The following CSMD2 variants were observed in gnomAD, a reference collection of about 807,000 sequenced individuals.
CSMD2 encodes the protein CUB and Sushi multiple domains 2, also known as CUB and sushi domain-containing protein 2.
In CSMD2, 130 loss-of-function variants were observed where a neutral mutation model predicts 398.5. The observed-to-expected ratio is 0.33, with a 90% confidence interval of 0.28 to 0.38. CSMD2 has a LOEUF of 0.38. Among genes scored for constraint, CSMD2 ranks in the 10% least tolerant of loss-of-function variants. CSMD2 has a pLI of 1.00. For missense variants in CSMD2, 3,829 were observed against 4,764.9 expected, an observed-to-expected ratio of 0.80 and a Z score of 5.78; for synonymous variants, 1,828 against 1,908.5, an observed-to-expected ratio of 0.96 and a Z score of 1.10.
chr1:34,138,984 T>A (rs1174407779), intron 1 of CSMD2, among the ~76,000 whole-genome samples: 7 of 152,156 alleles, frequency 4.6e-5, no homozygotes, highest in African/African-American at 1.7e-4. Context: ...CCTAACCCCA[T>A]GACCCACTAA....
At chr1:34,020,159 A>C (rs983401902) in intron 3 of CSMD2, among the ~76,000 whole-genome samples, 4 of 152,308 alleles carry the variant, frequency 2.6e-5, no homozygotes, top group African/African-American at 4.8e-5. Context: ...CTCAATAAGA[A>C]GACACATGAG....
chr1:33,649,002 T>C (rs1643611816), intron 28 of CSMD2, among the ~76,000 whole-genome samples: 1 of 152,232 alleles, frequency 6.6e-6, no homozygotes, highest in African/African-American at 2.4e-5. Flanking sequence ...GTCTTGAACT[T>C]GATGGAGTTT....
At chr1:33,964,002 C>T (rs183989157) in intron 3 of CSMD2, among the ~76,000 whole-genome samples, 56 of 152,290 alleles carry the variant, frequency 3.7e-4, no homozygotes, top group African/African-American at 1.2e-3. Flanking sequence ...AGGTGTTTGT[C>T]CAAAGTGGTT....
In CSMD2 at chr1:33,537,072, C is replaced by G; in HGVS notation, c.9829G>C (p.Asp3277His). Residue 3277 changes from aspartate to histidine, a missense_variant, in exon 62 of 71, where the codon GAC becomes CAC. This residue lies in a region of CSMD2 where 917 missense variants were observed against 1,199.5 expected (regional missense o/e 0.76). Coordinates refer to ENST00000373381, the MANE Select transcript of CSMD2 (RefSeq NM_001281956.2). This position sits in a 1 kb window ranked among gnomAD's most constrained non-coding sequence, Gnocchi z 4.6. ...ATCCCAAACTGTGGCACACCAGGGT[C>G]CGCACACGTGGTCAGGGTCGGATCT... Reference protein sequence around the residue: ...CIDPTLTTCADPGVPQFGIQN... With the variant: ...CIDPTLTTCAHPGVPQFGIQN... 1 of 1,614,192 alleles carries G rather than the reference C, an allele frequency of 6.2e-7. No homozygotes were observed. The highest frequency in any genetic ancestry group is 8.5e-7 in the Non-Finnish European group (1 of 1,180,034).
At chr1:33,725,609 C>T (rs1646503601) in intron 16 of CSMD2, 73 bp from the exon 17 acceptor site, 2 of 1,428,518 alleles carry the variant, frequency 1.4e-6, no homozygotes, top group Non-Finnish European at 2.0e-6. Context: ...TAAAGCCCTG[C>T]CTGACCCAGG....
At chr1:33,825,911 T>C (rs1658754656) in intron 6 of CSMD2, 137 bp from the exon 7 acceptor site, 1 of 668,376 alleles carries the variant, frequency 1.5e-6, no homozygotes, top group East Asian at 2.7e-5. Flanking sequence ...GGCTGGGACA[T>C]TCCAAGGGTA....
chr1:33,685,588 C>G (rs1012260714), intron 25 of CSMD2, among the ~76,000 whole-genome samples: 1 of 152,176 alleles, frequency 6.6e-6, no homozygotes, highest in African/African-American at 2.4e-5. Context: ...CCTCCTTACC[C>G]ACACAGCCTT....
At chr1:33,731,288 G>A (rs1646709683) in intron 15 of CSMD2, among the ~76,000 whole-genome samples, 1 of 152,090 alleles carries the variant, frequency 6.6e-6, no homozygotes, top group Non-Finnish European at 1.5e-5. Context: ...TTTTCTTTAA[G>A]TGTAGCATTT....
intron 3 of CSMD2, among the ~76,000 whole-genome samples, chr1:33,965,204 T>C (rs866437881): frequency 1.2e-4 from 18 of 152,040 alleles, no homozygotes; most frequent in Non-Finnish European, 1.6e-4. Context: ...GACCGTGGAG[T>C]GAAGAAGGCC....
intron 3 of CSMD2, among the ~76,000 whole-genome samples, chr1:33,964,403 G>A (rs925725446): frequency 2.0e-5 from 3 of 152,202 alleles, no homozygotes; most frequent in African/African-American, 7.2e-5. Context: ...TTGAATCTCT[G>A]CACTCCTAGT....
chr1:33,758,105 C>A (rs1201183768), intron 13 of CSMD2, among the ~76,000 whole-genome samples: 3 of 152,190 alleles, frequency 2.0e-5, no homozygotes, highest in Non-Finnish European at 4.4e-5. Context: ...AGGCCCTTGC[C>A]AATCTTTTTT....
At chr1:33,691,308 G>A (rs556011692) in intron 25 of CSMD2, among the ~76,000 whole-genome samples, 2 of 152,296 alleles carry the variant, frequency 1.3e-5, no homozygotes, top group East Asian at 3.9e-4. Context: ...TGATCAGAGG[G>A]TGAATTGATC....
At chr1:33,983,534 C>T (rs997231339) in intron 3 of CSMD2, among the ~76,000 whole-genome samples, 1 of 152,032 alleles carries the variant, frequency 6.6e-6, no homozygotes, top group Non-Finnish European at 1.5e-5. Flanking sequence ...TTCTTGGGGA[C>T]AGACCTGGTT....
intron 25 of CSMD2, among the ~76,000 whole-genome samples, chr1:33,686,970 C>T (rs534702932): frequency 6.6e-6 from 1 of 152,308 alleles, no homozygotes; most frequent in Non-Finnish European, 1.5e-5. Context: ...TACAAGCCAG[C>T]CACATTCTAG....
chr1:33,590,431 C>T (rs1214394616), intron 44 of CSMD2, among the ~76,000 whole-genome samples: 1 of 150,502 alleles, frequency 6.6e-6, no homozygotes, highest in Non-Finnish European at 1.5e-5. Context: ...AGTCACTGTG[C>T]CTGGCCATAA....
intron 53 of CSMD2, 115 bp downstream of exon 53, chr1:33,567,478 C>CATATATATATATATATATATATAT (rs774765893): frequency 5.7e-4 from 269 of 469,638 alleles, no homozygotes; most frequent in African/African-American, 1.4e-3. Context: ...AAATAGCAAT[C>CATATATATATATATATATATATAT]ATATATATAT....
At chr1:34,165,671 C>T, upstream of CSMD2, 1 of 1,401,422 alleles carries the variant, frequency 7.1e-7, no homozygotes, top group African/African-American at 1.4e-5. Flanking sequence ...CACACCTCTT[C>T]CACGTTTGGA....
At chr1:34,045,722 G>A (rs932068886) in intron 2 of CSMD2, among the ~76,000 whole-genome samples, 3 of 152,192 alleles carry the variant, frequency 2.0e-5, no homozygotes, top group Non-Finnish European at 1.5e-5. Context: ...TCTAAAAATA[G>A]GGGAGAAGCA....
chr1:33,565,592 T>C (rs1309042207), intron 53 of CSMD2, among the ~76,000 whole-genome samples: 5 of 151,880 alleles, frequency 3.3e-5, no homozygotes, highest in African/African-American at 1.2e-4. Context: ...ACTAAAGCCA[T>C]AAAATGAATA....
Sources: allele counts gnomAD v4.1 joint callset (sites outside exome capture counted in the v4.1 genomes callset), GRCh38; gene constraint gnomAD v4.1.1; regional missense constraint gnomAD v4.1.1; non-coding constraint Gnocchi (gnomAD v3.1); transcripts MANE v1.5; gene names NCBI Gene and HGNC (gene_info 2026-07-23, HGNC 2026-07-21).